ARHGAP20: variants seen among roughly 807,000 people sequenced by gnomAD.
ARHGAP20 encodes Rho GTPase activating protein 20.
Under a neutral mutation model 73.7 loss-of-function variants are expected in ARHGAP20, and 34 were observed. The ratio of observed to expected loss-of-function variants is 0.46; its 90% CI spans 0.35 to 0.61. The LOEUF (loss-of-function observed/expected upper bound fraction) is 0.61. ARHGAP20 is among the 20% of genes least tolerant of loss of function. The probability of loss-of-function intolerance (pLI) is 0.00; values close to 1 mark genes in which losing one functional copy is unlikely to be tolerated. For synonymous variants in ARHGAP20, 523 were observed against 518.2 expected (o/e 1.01, Z -0.13); for missense variants, 1,314 against 1,420.9 (o/e 0.92, Z 1.21).
intron 2 of ARHGAP20, among the ~76,000 whole-genome samples, chr11:110,690,063 T>C (rs1462240775): frequency 1.3e-5 from 2 of 152,200 alleles, no homozygotes; most frequent in African/African-American, 2.4e-5. Flanking sequence ...TTTTCCACTT[T>C]GAATTTCACT....
chr11:110,631,550 C>T (rs575132515), intron 2 of ARHGAP20, among the ~76,000 whole-genome samples: 1 of 152,162 alleles, frequency 6.6e-6, no homozygotes, highest in African/African-American at 2.4e-5. Context: ...CAAACTACAC[C>T]CAGCACCTGC....
At chr11:110,592,715 T>C (rs1287366086) in intron 9 of ARHGAP20, among the ~76,000 whole-genome samples, 1 of 151,746 alleles carries the variant, frequency 6.6e-6, no homozygotes, top group African/African-American at 2.4e-5. Context: ...GGAGAGGAGT[T>C]TTCTCTGTTA....
At chr11:110,600,636 A>G (rs1433328084) in intron 9 of ARHGAP20, among the ~76,000 whole-genome samples, 1 of 152,262 alleles carries the variant, frequency 6.6e-6, no homozygotes, top group Admixed American at 6.5e-5. Context: ...GGGCAAATAC[A>G]TCACTGTCCA....
At chr11:110,632,381 G>T (rs1427979158) in intron 2 of ARHGAP20, among the ~76,000 whole-genome samples, 4 of 152,086 alleles carry the variant, frequency 2.6e-5, no homozygotes, top group Non-Finnish European at 5.9e-5. Flanking sequence ...CAGTTTAGTG[G>T]ATGTACAGTA....
chr11:110,704,850 A>C (rs1386370251), intron 1 of ARHGAP20, among the ~76,000 whole-genome samples: 2 of 152,152 alleles, frequency 1.3e-5, no homozygotes, highest in Non-Finnish European at 1.5e-5. Context: ...CCCTTCACTT[A>C]AAGTTTACTT....
At chr11:110,692,415 T>C (rs1166907349) in intron 1 of ARHGAP20, among the ~76,000 whole-genome samples, 1 of 152,134 alleles carries the variant, frequency 6.6e-6, no homozygotes, top group Non-Finnish European at 1.5e-5. Context: ...CTGATTCTCT[T>C]TACAGGACCA....
At chr11:110,621,757 C>T (rs577100375) in intron 4 of ARHGAP20, among the ~76,000 whole-genome samples, 1 of 152,248 alleles carries the variant, frequency 6.6e-6, no homozygotes, top group East Asian at 1.9e-4. Context: ...AGATTGGTCT[C>T]TATTGATTAT....
At chr11:110,673,989 A>T (rs752563593) in intron 2 of ARHGAP20, among the ~76,000 whole-genome samples, 8 of 150,638 alleles carry the variant, frequency 5.3e-5, no homozygotes, top group Non-Finnish European at 1.0e-4. Context: ...CCCAGGCTTG[A>T]GTGCAGTGGC....
intron 13 of ARHGAP20, among the ~76,000 whole-genome samples, chr11:110,583,154 G>A (rs989000368): frequency 1.3e-5 from 2 of 152,156 alleles, no homozygotes; most frequent in African/African-American, 2.4e-5. Context: ...TATTATCACC[G>A]ACTCCATTTT....
chr11:110,594,990 T>G (rs1947919090), intron 9 of ARHGAP20, among the ~76,000 whole-genome samples: 1 of 151,278 alleles, frequency 6.6e-6, no homozygotes, highest in Non-Finnish European at 1.5e-5. Context: ...TGGTTCAACA[T>G]ACGCAAATCA....
At chr11:110,636,362 C>G (rs1948968033) in intron 2 of ARHGAP20, among the ~76,000 whole-genome samples, 3 of 152,062 alleles carry the variant, frequency 2.0e-5, no homozygotes, top group Admixed American at 2.0e-4. Flanking sequence ...AAAGGCTAAT[C>G]TGAAGTAACT....
Position 110,637,864 on chromosome 11 carries a change from A to ATGTCAG in ARHGAP20, c.189-7073_189-7072insCTGACA, listed in dbSNP as rs1240053773. 3.9e-5 allele frequency among the ~76,000 whole-genome samples: 6 copies of ATGTCAG among 152,242 alleles called. No homozygotes were observed. The East Asian group carries it at 7.7e-4, about 20-fold the overall frequency. Reference sequence around the variant, plus strand: ...GAGAGACCAATGAAGGCTGAAGGGCACTTTAAGAAGGAACAGCATGTCAAA... The same window carrying ATGTCAG: ...GAGAGACCAATGAAGGCTGAAGGGCATGTCAGCTTTAAGAAGGAACAGCATGTCAAA... On this transcript the variant is annotated intron_variant, in intron 2 of 14. Transcript: ENST00000683387.
chr11:110,632,182 C>A (rs186592759), intron 2 of ARHGAP20, among the ~76,000 whole-genome samples: 1 of 152,120 alleles, frequency 6.6e-6, no homozygotes, highest in East Asian at 1.9e-4. Context: ...GTTTTCATTT[C>A]TCTTGGGTAA....
intron 4 of ARHGAP20, among the ~76,000 whole-genome samples, chr11:110,623,392 C>T (rs1193258011): frequency 2.0e-5 from 3 of 152,150 alleles, no homozygotes; most frequent in African/African-American, 7.2e-5. Flanking sequence ...ATTGTTCACT[C>T]TGAACTGGAC....
Position 110,642,057 on chromosome 11 carries a change from C to T in ARHGAP20, c.189-11265G>A, listed in dbSNP as rs542774210. Among the ~76,000 whole-genome samples, 3 of 152,104 alleles carry T rather than the reference C, an allele frequency of 2.0e-5. No individual in the cohort carries two copies. The East Asian group carries it at 5.8e-4, about 29-fold the overall frequency. On this transcript the variant is annotated intron_variant, in intron 2 of 14. Coordinates refer to ENST00000683387, the MANE Select transcript of ARHGAP20 (RefSeq NM_001384657.1). ...GAGATAATAATTACATAATGGTACA[C>T]TTAAAGGAACGAAATAATTAAACCT...
At chr11:110,629,834 A>C (rs1293928196) in intron 3 of ARHGAP20, among the ~76,000 whole-genome samples, 2 of 152,204 alleles carry the variant, frequency 1.3e-5, no homozygotes, top group African/African-American at 4.8e-5. Context: ...AGATAACTTT[A>C]ACCCAAGCCA....
chr11:110,664,676 G>C (rs771361739), intron 2 of ARHGAP20, among the ~76,000 whole-genome samples: 1 of 149,472 alleles, frequency 6.7e-6, no homozygotes, highest in Non-Finnish European at 1.5e-5. Flanking sequence ...TCCAGTGAGC[G>C]GAGACTGTGC....
At chr11:110,615,653 G>T in intron 4 of ARHGAP20, 59 bp from the exon 5 acceptor site, 2 of 1,451,246 alleles carry the variant, frequency 1.4e-6, no homozygotes, top group Non-Finnish European at 9.6e-7. Context: ...AATGCTAACA[G>T]ATTTAGGATT....
intron 2 of ARHGAP20, among the ~76,000 whole-genome samples, chr11:110,634,721 T>C (rs1948928372): frequency 6.6e-6 from 1 of 152,154 alleles, no homozygotes; most frequent in Admixed American, 6.6e-5. Context: ...AATTTATATA[T>C]GGGACTAACT....
Sources: allele counts gnomAD v4.1 joint callset (sites outside exome capture counted in the v4.1 genomes callset), GRCh38; gene constraint gnomAD v4.1.1; transcripts MANE v1.5; gene names NCBI Gene and HGNC (gene_info 2026-07-23, HGNC 2026-07-21).